The following MYO5A variants were observed in gnomAD, a reference collection of about 807,000 sequenced individuals.
MYO5A encodes myosin VA.
A neutral mutation model predicts 249.7 loss-of-function variants in MYO5A; 98 were observed. That is an observed-to-expected ratio of 0.39 (90% CI 0.33 to 0.46). MYO5A has a LOEUF of 0.46. MYO5A is among the 20% of genes least tolerant of loss of function. The probability of loss-of-function intolerance (pLI) is 0.98; values close to 1 mark genes in which losing one functional copy is unlikely to be tolerated. For missense variants in MYO5A, 1,696 were observed against 2,308.8 expected, an observed-to-expected ratio of 0.73 and a Z score of 5.44; for synonymous variants, 778 against 810.6, an observed-to-expected ratio of 0.96 and a Z score of 0.68.
At chr15:52,375,197 C>A in intron 20 of MYO5A, 107 bp downstream of exon 20, 1 of 1,149,384 alleles carries the variant, frequency 8.7e-7, no homozygotes, top group Non-Finnish European at 1.3e-6. Flanking sequence ...GCTGGTTGTC[C>A]CCATACAGTT....
At chr15:52,486,407 TGTCTGGCCCC>T (rs2076821848) in intron 1 of MYO5A, among the ~76,000 whole-genome samples, 1 of 152,254 alleles carries the variant, frequency 6.6e-6, no homozygotes, top group Non-Finnish European at 1.5e-5. Context: ...GACCAAAGAA[TGTCTGGCCCC>T]GACTTTCATT....
intron 1 of MYO5A, among the ~76,000 whole-genome samples, chr15:52,452,390 C>T (rs2076037110): frequency 6.6e-6 from 1 of 152,150 alleles, no homozygotes; most frequent in African/African-American, 2.4e-5. Context: ...TCCCTGCCAC[C>T]TTGGGTTACC....
At chr15:52,321,544 A>G (rs1284338863) in intron 37 of MYO5A, 35 bp from the exon 38 acceptor site, 4 of 1,608,188 alleles carry the variant, frequency 2.5e-6, no homozygotes, top group Non-Finnish European at 8.5e-7. Context: ...GATACACATG[A>G]AGTAACCTGT....
chr15:52,361,509 G>C (rs564872895), intron 24 of MYO5A, among the ~76,000 whole-genome samples: 1 of 152,142 alleles, frequency 6.6e-6, no homozygotes, highest in Non-Finnish European at 1.5e-5. Flanking sequence ...TAAGTGCTCT[G>C]GATCTGAAAC....
chr15:52,414,064 A>G (rs754593639), intron 5 of MYO5A, among the ~76,000 whole-genome samples: 29 of 152,166 alleles, frequency 1.9e-4, no homozygotes, highest in Non-Finnish European at 3.2e-4. Flanking sequence ...GGACAAATCT[A>G]TAGTGAAAGC....
At chr15:52,349,059 T>C (rs2039808677) in intron 28 of MYO5A, among the ~76,000 whole-genome samples, 1 of 152,176 alleles carries the variant, frequency 6.6e-6, no homozygotes, top group Admixed American at 6.5e-5. Flanking sequence ...CAGGAACAAA[T>C]GCTTGAAATT....
chr15:52,372,822 T>G (rs2041197680), intron 20 of MYO5A, among the ~76,000 whole-genome samples: 1 of 152,050 alleles, frequency 6.6e-6, no homozygotes, highest in South Asian at 2.1e-4. Flanking sequence ...ATAAGAGATA[T>G]CCCCACCACC....
At chr15:52,407,631 T>C (rs902819738) in intron 7 of MYO5A, among the ~76,000 whole-genome samples, 13 of 152,084 alleles carry the variant, frequency 8.5e-5, no homozygotes, top group African/African-American at 2.7e-4. Flanking sequence ...GTAAAATAAA[T>C]AGTCCTTTCC....
chr15:52,476,152 C>A (rs141072567), intron 1 of MYO5A, among the ~76,000 whole-genome samples: 2 of 152,282 alleles, frequency 1.3e-5, no homozygotes, highest in Admixed American at 6.5e-5. Flanking sequence ...TAATGGCCTT[C>A]TTTGTCTCTT....
chr15:52,521,084 CA>C (rs1408285312), intron 1 of MYO5A, among the ~76,000 whole-genome samples: 2 of 151,982 alleles, frequency 1.3e-5, no homozygotes, highest in African/African-American at 2.4e-5. Context: ...AAAAATTAGC[CA>C]GGGGTGGTGG....
chr15:52,392,144 A>G (rs2042266604), intron 11 of MYO5A, 74 bp from the exon 12 acceptor site: 4 of 1,403,442 alleles, frequency 2.9e-6, no homozygotes, highest in Admixed American at 1.8e-5. Context: ...TGATACCAAC[A>G]TAATTTGAGA....
chr15:52,378,515 C>CAAAAAAAA (rs55803737), intron 18 of MYO5A, among the ~76,000 whole-genome samples: 135 of 10,464 alleles, frequency 0.013, 11 homozygotes, highest in African/African-American at 0.018. Context: ...AAGACTGTCT[C>CAAAAAAAA]AAAAAAAAAA....
intron 1 of MYO5A, among the ~76,000 whole-genome samples, chr15:52,433,890 C>T (rs1423481852): frequency 6.6e-6 from 1 of 151,990 alleles, no homozygotes; most frequent in Non-Finnish European, 1.5e-5. Flanking sequence ...AAAATGTACA[C>T]ATAAGATCTA....
intron 1 of MYO5A, among the ~76,000 whole-genome samples, chr15:52,479,113 A>G (rs1279776979): frequency 6.6e-6 from 1 of 151,812 alleles, no homozygotes; most frequent in African/African-American, 2.4e-5. Context: ...CTCCTGCCTC[A>G]GCCTCCTGAG....
chr15:52,421,164 C>G (rs147437027), intron 4 of MYO5A, among the ~76,000 whole-genome samples: 43 of 152,266 alleles, frequency 2.8e-4, no homozygotes, highest in African/African-American at 9.9e-4. Flanking sequence ...CTTAGCATCA[C>G]AGGGCAGCTG....
At position 52,376,511 on chromosome 15, in the gene MYO5A, G is replaced by A. The variant is rs200144796; in HGVS notation, c.2256C>T (p.Ala752=). The change falls in exon 19 of 42, where the codon GCC becomes GCT. Residue 752 remains alanine, a synonymous_variant. Coordinates refer to ENST00000399233, the MANE Select transcript of MYO5A (RefSeq NM_001382347.1). ...ATTTTTCTAGATAGGCCACTTGACC[G>A]GCACGGAAAAAGATCTTTGTCTTAC... ...QFGKTKIFFR[A]GQVAYLEKLR... is the part of the protein sequence containing the mutation. 2.6e-5 allele frequency: 42 copies of A among 1,614,010 alleles called. No homozygotes were observed. Among genetic ancestry groups the A allele is most frequent in the South Asian group, 8.8e-5 (8 of 91,084 alleles).
rs781278196 is a variant in MYO5A at position 52,375,369 on chromosome 15, G to T, written c.2512C>A (p.Arg838=). The part of the protein sequence containing the change: ...YVVRRRYKIR[R]AATIVLQSYL... The stretch of plus-strand genomic sequence containing the variant: ...GACTGAAGAACGATAGTGGCAGCTC[G>T]TCTAATCTTGTACCTCCTGCGGACC... Residue 838 remains arginine, a synonymous_variant, in exon 20 of 42, where the codon CGA becomes AGA. Transcript: ENST00000399233. 3 of 1,613,956 alleles carry T rather than the reference G, an allele frequency of 1.9e-6. No homozygotes were observed. In the South Asian group the frequency reaches 3.3e-5, roughly 18 times the overall value.
intron 23 of MYO5A, among the ~76,000 whole-genome samples, chr15:52,365,501 T>C (rs1223156911): frequency 6.6e-6 from 1 of 152,220 alleles, no homozygotes; most frequent in Non-Finnish European, 1.5e-5. Flanking sequence ...CAGTCACATT[T>C]ATAATATTAA....
At chr15:52,403,203 G>T (rs1418184834) in intron 9 of MYO5A, among the ~76,000 whole-genome samples, 3 of 152,096 alleles carry the variant, frequency 2.0e-5, no homozygotes, top group African/African-American at 7.2e-5. Flanking sequence ...AGGTCACAAG[G>T]GCAAAGAGGA....
Sources: gnomAD v4.1 joint callset for allele counts (sites outside exome capture counted in the v4.1 genomes callset) on GRCh38, gnomAD v4.1.1 for gene constraint, MANE v1.5 for transcripts, NCBI Gene and HGNC (gene_info 2026-07-23, HGNC 2026-07-21) for gene names.